NISCH: variants seen among roughly 807,000 people sequenced by gnomAD.
NISCH encodes nischarin, also known as I-1 receptor candidate protein.
NISCH carries 55 observed loss-of-function variants against 138.4 expected under a neutral mutation model. That is an observed-to-expected ratio of 0.40 (90% CI 0.32 to 0.50). The LOEUF (loss-of-function observed/expected upper bound fraction) is 0.50, where lower values mean the gene tolerates loss of function less well. Among genes scored for constraint, NISCH ranks in the 20% least tolerant of loss-of-function variants. NISCH has a pLI of 0.71. For missense variants in NISCH, 1,643 were observed against 2,005.5 expected, an observed-to-expected ratio of 0.82 and a Z score of 3.45; for synonymous variants, 860 against 861.5, an observed-to-expected ratio of 1.00 and a Z score of 0.03.
Position 52,487,358 on chromosome 3 carries a change from C to G in NISCH, c.1866C>G (p.Ile622Met), listed in dbSNP as rs772758272. ...TCGAGCGGCAGCTGCCTGCCTGGAT[C>G]GAGGCTGCCAACCAGCGGGAGGAGG... ...QAIERQLPAW[I>M]EAANQREEGQ... The change falls in exon 16 of 21, where the codon ATC (isoleucine) becomes ATG (methionine). Residue 622 changes from isoleucine (I) to methionine (M), a missense_variant. Physicochemically the swap from Ile to Met is conservative, Grantham distance 10. Transcript: ENST00000345716. This position sits in a 1 kb window ranked among gnomAD's most constrained non-coding sequence, Gnocchi z 9.1. 1.5e-5 allele frequency: 24 copies of G among 1,613,930 alleles called. No individual in the cohort carries two copies. The East Asian group carries it at 5.1e-4, about 34-fold the overall frequency.
In NISCH at chr3:52,478,276, C is replaced by T. The variant is rs773478885; in HGVS notation, c.1167C>T (p.Ile389=). The change falls in exon 10 of 21, where the codon ATC becomes ATT. Residue 389 remains isoleucine (I), a synonymous_variant. Transcript: ENST00000345716. ...LVNLDLRDNR[I]EQMEEVRSIG... ...ACCTGGATCTCCGGGACAACAGGAT[C>T]GAACAGGTGAGCCCAAGGACCTCAC... is the stretch of plus-strand genomic sequence containing the variant. 6.2e-6 allele frequency: 10 copies of T among 1,613,996 alleles called. No individual in the cohort carries two copies. Among genetic ancestry groups the T allele is most frequent in the Non-Finnish European group, 6.8e-6 (8 of 1,179,912 alleles).
intron 6 of NISCH, among the ~76,000 whole-genome samples, 176 bp downstream of exon 6, chr3:52,472,574 C>T (rs1289079917): frequency 1.3e-5 from 2 of 152,250 alleles, no homozygotes; most frequent in African/African-American, 4.8e-5. Context: ...GAGGCCTCTC[C>T]TGTCCCTGGC....
rs1011440852 is a variant in NISCH, at chr3:52,466,256, C to G, written c.361-4603C>G. 2.6e-5 allele frequency among the ~76,000 whole-genome samples: 4 copies of G among 152,172 alleles called. No individual in the cohort carries two copies. The South Asian group carries it at 8.3e-4, about 32-fold the overall frequency. Reference sequence around the variant, plus strand: ...CTGACTCCTGCTAGAATGCCTCATACCAACATAAATTAAAGTGAGACGAGG... The same window carrying G: ...CTGACTCCTGCTAGAATGCCTCATAGCAACATAAATTAAAGTGAGACGAGG... On this transcript the variant is annotated intron_variant, in intron 3 of 20. Coordinates refer to ENST00000345716, the MANE Select transcript of NISCH (RefSeq NM_007184.4).
At chr3:52,458,594 C>CTT (rs1465678205) in intron 2 of NISCH, 68 bp from the exon 3 acceptor site, 65 of 1,409,870 alleles carry the variant, frequency 4.6e-5, no homozygotes, top group Non-Finnish European at 6.2e-5. Flanking sequence ...CCTCAAGCTT[C>CTT]TTGCCTTGGT....
chr3:52,482,745 C>T (rs555063070), intron 13 of NISCH, among the ~76,000 whole-genome samples: 2 of 152,174 alleles, frequency 1.3e-5, no homozygotes, highest in African/African-American at 2.4e-5. Context: ...CCACCTGCCG[C>T]ATCTTAGATT....
chr3:52,480,316 C>G, intron 13 of NISCH, 21 bp downstream of exon 13: 2 of 1,613,446 alleles, frequency 1.2e-6, no homozygotes, highest in Non-Finnish European at 1.7e-6. Flanking sequence ...ATGTATCTTG[C>G]TTCTAGTGGA....
intron 3 of NISCH, among the ~76,000 whole-genome samples, chr3:52,467,420 GCCT>G (rs1416980580): frequency 7.2e-5 from 11 of 152,118 alleles, no homozygotes; most frequent in Non-Finnish European, 8.8e-5. Flanking sequence ...ACCCCACCCC[GCCT>G]CCTCCTGGCG....
intron 12 of NISCH, 113 bp downstream of exon 12, chr3:52,479,975 C>T (rs142162906): frequency 5.0e-6 from 5 of 994,478 alleles, no homozygotes; most frequent in Non-Finnish European, 7.6e-6. Context: ...CCAGCTGCGC[C>T]CCTCCCTGGC....
At chr3:52,463,521 A>G (rs1706693276) in intron 3 of NISCH, among the ~76,000 whole-genome samples, 1 of 152,180 alleles carries the variant, frequency 6.6e-6, no homozygotes, top group Admixed American at 6.6e-5. Context: ...TTGAGAAACT[A>G]ACAAATTGTT....
intron 13 of NISCH, chr3:52,481,041 T>C: frequency 7.3e-7 from 1 of 1,373,496 alleles, no homozygotes; most frequent in Non-Finnish European, 9.4e-7. Flanking sequence ...GAACTTGGTG[T>C]GAGGTCTTGG....
rs1411890788 is a variant in NISCH, at chr3:52,488,477, G to A, written c.2985G>A (p.Leu995=). ...FVLPHEKFHF[L]RVYNQLRASL... is the part of the protein sequence containing the mutation. ...TGCCCCACGAGAAGTTCCACTTCCT[G>A]CGCGTCTACAACCAGCTGCGGGCCT... is the stretch of plus-strand genomic sequence containing the variant. Residue 995 remains leucine (L), a synonymous_variant, in exon 16 of 21, where the codon CTG becomes CTA. Transcript: ENST00000345716. The A allele has an allele frequency of 1.9e-6, 3 of 1,613,380 alleles. No homozygotes were observed. The highest frequency in any genetic ancestry group is 2.7e-5 in the African/African-American group (2 of 74,934).
At chr3:52,481,110 G>C (rs1707258718) in intron 13 of NISCH, 10 of 1,294,606 alleles carry the variant, frequency 7.7e-6, no homozygotes, top group Non-Finnish European at 9.8e-6. Context: ...CCTTGACCTG[G>C]TAACCCCACT....
intron 2 of NISCH, 136 bp downstream of exon 2, chr3:52,458,062 T>C: frequency 1.6e-6 from 1 of 633,320 alleles, no homozygotes; most frequent in Non-Finnish European, 2.9e-6. Context: ...TTTGTTAATA[T>C]AACTGCGTTC....
chr3:52,468,780 G>A (rs1004437231), intron 3 of NISCH, among the ~76,000 whole-genome samples: 2 of 151,976 alleles, frequency 1.3e-5, no homozygotes, highest in African/African-American at 4.8e-5. Context: ...TTCTCGTGCT[G>A]TATATAAACT....
Position 52,489,676 on chromosome 3 carries a change from G to A in NISCH, c.3454G>A (p.Glu1152Lys). ...CGAGCTCTTCCACAGCAGCATTGCT[G>A]AGGTAGCGGCCCGGGTGTGGGTGCC... ...IIELFHSSIAEVENEELRHLM... is the reference protein window; with the variant it reads ...IIELFHSSIAKVENEELRHLM... The change falls in exon 17 of 21, where the codon GAG (glutamate) becomes AAG (lysine). Residue 1152 changes from glutamate to lysine, a missense_variant and splice_region_variant. Coordinates refer to ENST00000345716, the MANE Select transcript of NISCH (RefSeq NM_007184.4). 2 of 1,610,990 alleles carry A rather than the reference G, an allele frequency of 1.2e-6. No individual in the cohort carries two copies. Among genetic ancestry groups the A allele is most frequent in the Non-Finnish European group, 1.7e-6 (2 of 1,179,016 alleles).
intron 13 of NISCH, 51 bp from the exon 14 acceptor site, chr3:52,484,462 T>TTGGGGCCGC: frequency 2.5e-6 from 2 of 788,670 alleles, no homozygotes; most frequent in Non-Finnish European, 3.7e-6. Context: ...ACAGCCGCTC[T>TTGGGGCCGC]CCCCGCCCCA....
intron 20 of NISCH, 158 bp downstream of exon 20, chr3:52,491,671 T>TCC: frequency 1.9e-6 from 2 of 1,057,092 alleles, no homozygotes; most frequent in Non-Finnish European, 2.7e-6. Flanking sequence ...TGGCAGAGTC[T>TCC]CCACTCCAGC....
chr3:52,476,674 T>C, intron 8 of NISCH, 75 bp downstream of exon 8: 1 of 1,494,512 alleles, frequency 6.7e-7, no homozygotes, highest in Non-Finnish European at 9.3e-7. Context: ...TAACTCAGCT[T>C]TTTTAGGAAG....
intron 7 of NISCH, 94 bp downstream of exon 7, chr3:52,473,923 A>G (rs1252708619): frequency 1.3e-6 from 1 of 766,528 alleles, no homozygotes; most frequent in East Asian, 2.8e-5. Context: ...GGACACTGCT[A>G]TGTCTATCAG....
Sources: gnomAD v4.1 joint callset for allele counts (sites outside exome capture counted in the v4.1 genomes callset) on GRCh38, gnomAD v4.1.1 for gene constraint, Gnocchi (gnomAD v3.1) non-coding constraint, MANE v1.5 for transcripts, NCBI Gene and HGNC (gene_info 2026-07-23, HGNC 2026-07-21) for gene names.